NUP50: variants seen among roughly 807,000 people sequenced by gnomAD.
The protein encoded by NUP50 is nuclear pore complex protein Nup50.
In NUP50, 14 loss-of-function variants were observed where a neutral mutation model predicts 36.8. The observed-to-expected ratio is 0.38, with a 90% CI of 0.25 to 0.59. The LOEUF (loss-of-function observed/expected upper bound fraction) is 0.59, where lower values mean the gene tolerates loss of function less well. NUP50 is among the 20% of genes least tolerant of loss of function. The probability of loss-of-function intolerance (pLI) is 0.63; values close to 1 mark genes in which losing one functional copy is unlikely to be tolerated. For synonymous variants in NUP50, 195 were observed against 210.8 expected (o/e 0.93, Z 0.65); for missense variants, 455 against 564.6 (o/e 0.81, Z 1.97).
At position 45,184,473 on chromosome 22, in the gene NUP50, C is replaced by G; in HGVS notation, c.1225C>G (p.Leu409Val). The G allele has an allele frequency of 6.2e-7, 1 of 1,613,942 alleles. No homozygotes were observed. Among genetic ancestry groups the G allele is most frequent in the Non-Finnish European group, 8.5e-7 (1 of 1,179,838 alleles). ...TNLGNILLNV[L>V]IPPNMPCTRT... is the part of the protein sequence containing the mutation. ...TGCAGGCAACATATTGCTGAACGTT[C>G]TGATTCCACCCAATATGCCATGTAC... is the stretch of plus-strand genomic sequence containing the variant. Residue 409 changes from leucine to valine, a missense_variant, in exon 8 of 8, where the codon CTG becomes GTG. Transcript: ENST00000347635.
At chr22:45,167,128 C>G (rs1354991876) in intron 1 of NUP50, among the ~76,000 whole-genome samples, 1 of 152,130 alleles carries the variant, frequency 6.6e-6, no homozygotes, top group Admixed American at 6.5e-5. Context: ...AGGAAGCTTA[C>G]TCTGGTGTAT....
At chr22:45,165,163 C>T (rs2074075724) in intron 1 of NUP50, among the ~76,000 whole-genome samples, 1 of 152,222 alleles carries the variant, frequency 6.6e-6, no homozygotes, top group Admixed American at 6.5e-5. Context: ...CTTTCAGTCT[C>T]CCACCACGTT....
Position 45,183,858 on chromosome 22 carries a change from C to G in NUP50, c.1204+338C>G, listed in dbSNP as rs564128350. 184 of 249,674 alleles carry G rather than the reference C, an allele frequency of 7.4e-4. No individual in the cohort carries two copies. The South Asian group carries it at 7.6e-3, about 10-fold the overall frequency. 15.5% of individuals were successfully genotyped at this position (249,674 alleles called of 1,614,324 possible). A position where few individuals can be genotyped will look rare whatever the true frequency, so the allele number is the denominator to read the frequency against. ...CAAGTAATGACTAACTGCTTGCTGT[C>G]CATCCTCAGTTTTAACCTGAAAAGA... On this transcript the variant is annotated intron_variant, in intron 7 of 7. Coordinates refer to ENST00000347635, the MANE Select transcript of NUP50 (RefSeq NM_007172.4).
chr22:45,183,799 A>G (rs2074422302), intron 7 of NUP50: 2 of 335,136 alleles, frequency 6.0e-6, no homozygotes, highest in Admixed American at 8.7e-5. Context: ...CACCCAAGGG[A>G]AATTAACCTT....
intron 1 of NUP50, among the ~76,000 whole-genome samples, chr22:45,167,762 T>C (rs2074117437): frequency 6.6e-6 from 1 of 152,240 alleles, no homozygotes; most frequent in South Asian, 2.1e-4. Flanking sequence ...TTTTAAATAT[T>C]AAAATTATTT....
chr22:45,186,542 A>C lies in NUP50; in HGVS notation c.*1887A>C, dbSNP rs1313911200. The C allele has an allele frequency of 6.6e-6, 1 of 152,546 alleles. No homozygotes were observed. Among genetic ancestry groups the C allele is most frequent in the African/African-American group, 2.4e-5 (1 of 41,460 alleles). The allele number at this position is 152,546 out of a possible 1,614,324, so 9.4% of individuals were successfully genotyped here. A position where few individuals can be genotyped will look rare whatever the true frequency, so the allele number is the denominator to read the frequency against. On this transcript the variant is annotated 3_prime_UTR_variant, in exon 8 of 8. Coordinates refer to ENST00000347635, the MANE Select transcript of NUP50 (RefSeq NM_007172.4). ...TTCAGGACACTTCAGTGTATATGAC[A>C]CAGTACTTTGTTAGCGTCTGCGTGT...
At chr22:45,173,377 G>C (rs1354027781) in intron 3 of NUP50, among the ~76,000 whole-genome samples, 1 of 127,836 alleles carries the variant, frequency 7.8e-6, no homozygotes, top group African/African-American at 3.0e-5. Flanking sequence ...TTTATGAATT[G>C]CCTTGACTGG....
rs186574103 is a variant in NUP50 at position 45,166,884 on chromosome 22, T to G, written c.-10-1284T>G. Among the ~76,000 whole-genome samples the G allele has an allele frequency of 1.7e-3, 256 of 152,244 alleles. 2 individuals carry two copies. The highest frequency in any genetic ancestry group is 5.9e-3 in the African/African-American group (245 of 41,544). ...TATTTTAGAATCTTGGACTTTAATA[T>G]CATTTGTAATCAGAAAAATAGCATA... On this transcript the variant is annotated intron_variant, in intron 1 of 7. Coordinates refer to ENST00000347635, the MANE Select transcript of NUP50 (RefSeq NM_007172.4).
Position 45,182,623 on chromosome 22 carries a change from G to GTGT in NUP50, c.1086-778_1086-777insGTT, listed in dbSNP as rs1555894542. ...AAAAACTGAAAGAGCCTTGAGGTTTGTTTTTTTTTTTTTTTTTTTGAGACG... is the reference window on the plus strand; with the variant it reads ...AAAAACTGAAAGAGCCTTGAGGTTTGTGTTTTTTTTTTTTTTTTTTTTGAGACG... On this transcript the variant is annotated intron_variant, in intron 6 of 7. Coordinates refer to ENST00000347635, the MANE Select transcript of NUP50 (RefSeq NM_007172.4). Among the ~76,000 whole-genome samples the GTGT allele has an allele frequency of 3.1e-4, 30 of 95,942 alleles. 1 individual carries two copies. Among genetic ancestry groups the GTGT allele is most frequent in the Admixed American group, 1.4e-4 (1 of 7,218 alleles). 62.9% of individuals were successfully genotyped at this position (95,942 alleles called of 152,430 possible).
At chr22:45,174,779 T>C (rs1012174851) in intron 3 of NUP50, among the ~76,000 whole-genome samples, 89 of 152,238 alleles carry the variant, frequency 5.8e-4, no homozygotes, top group African/African-American at 2.0e-3. Flanking sequence ...CTGTTTATTA[T>C]GTGCATTAAA....
intron 2 of NUP50, chr22:45,171,048 C>A: frequency 7.7e-7 from 1 of 1,303,968 alleles, no homozygotes; most frequent in Non-Finnish European, 1.0e-6. Context: ...ACGTGGACAT[C>A]AGAAGTGTGG....
At chr22:45,174,183 CTTTTT>C (rs132886) in intron 3 of NUP50, among the ~76,000 whole-genome samples, 3 of 137,928 alleles carry the variant, frequency 2.2e-5, no homozygotes, top group Non-Finnish European at 3.1e-5. Context: ...GGTATTTTCC[CTTTTT>C]TTTTTTTTTT....
intron 3 of NUP50, among the ~76,000 whole-genome samples, chr22:45,173,461 G>A (rs1282948896): frequency 6.6e-6 from 1 of 151,988 alleles, no homozygotes; most frequent in Non-Finnish European, 1.5e-5. Context: ...TACATGGGGG[G>A]AGGGACAGTT....
rs1172029439 is a variant in NUP50, at chr22:45,178,689, A to G, written c.792A>G (p.Leu264=). The G allele has an allele frequency of 6.2e-7, 1 of 1,612,320 alleles. No individual in the cohort carries two copies. The highest frequency in any genetic ancestry group is 1.3e-5 in the African/African-American group (1 of 74,996). ...AAAAGAAAACGGACCCATCATCACTAGGAGCGACAAGTGCCTCATTTAATT... is the reference window on the plus strand; with the variant it reads ...AAAAGAAAACGGACCCATCATCACTGGGAGCGACAAGTGCCTCATTTAATT... ...ASEKKTDPSS[L]GATSASFNFG... is the part of the protein sequence containing the mutation. Residue 264 remains leucine, a synonymous_variant, in exon 5 of 8, where the codon CTA becomes CTG. Coordinates refer to ENST00000347635, the MANE Select transcript of NUP50 (RefSeq NM_007172.4).
At chr22:45,183,108 T>A (rs2074408260) in intron 6 of NUP50, among the ~76,000 whole-genome samples, 1 of 147,562 alleles carries the variant, frequency 6.8e-6, no homozygotes, top group Non-Finnish European at 1.5e-5. Context: ...GGGTTGGTGT[T>A]GAGCCCTGAT....
intron 3 of NUP50, among the ~76,000 whole-genome samples, chr22:45,172,502 AGG>A (rs1165060894): frequency 1.3e-5 from 2 of 152,168 alleles, no homozygotes; most frequent in Non-Finnish European, 2.9e-5. Flanking sequence ...GTCAGGTTAG[AGG>A]TGCCGTGCCA....
Position 45,179,088 on chromosome 22 carries a change from T to A in NUP50, c.1003+188T>A, listed in dbSNP as rs919067525. On this transcript the variant is annotated intron_variant, in intron 5 of 7. Transcript: ENST00000347635. ...TTCCTGCTTTATAAAAGAGTAAGAC[T>A]TTTGTAGGGTTGTTTATAAGGATTA... 1.7e-5 allele frequency: 9 copies of A among 530,748 alleles called. No individual in the cohort carries two copies. In the African/African-American group the frequency reaches 1.7e-4, roughly 10 times the overall value. The allele number at this position is 530,748 out of a possible 1,614,324, so 32.9% of individuals were successfully genotyped here. A position where few individuals can be genotyped will look rare whatever the true frequency, so the allele number is the denominator to read the frequency against.
Position 45,178,653 on chromosome 22 carries a change from G to A in NUP50, c.756G>A (p.Glu252=), listed in dbSNP as rs2074316326. 6.2e-7 allele frequency: 1 copy of A among 1,611,972 alleles called. No homozygotes were observed. The highest frequency in any genetic ancestry group is 1.1e-5 in the South Asian group (1 of 90,990). ...AAGATACACCTGACAAGAAGATGGAGGTGGCATCTGAAAAGAAAACGGACC... is the reference window on the plus strand; with the variant it reads ...AAGATACACCTGACAAGAAGATGGAAGTGGCATCTGAAAAGAAAACGGACC... ...KTEDTPDKKM[E]VASEKKTDPS... Residue 252 remains glutamate, a synonymous_variant, in exon 5 of 8, where the codon GAG becomes GAA. Coordinates refer to ENST00000347635, the MANE Select transcript of NUP50 (RefSeq NM_007172.4).
chr22:45,171,990 G>A (rs1016728002), intron 3 of NUP50: 3 of 293,740 alleles, frequency 1.0e-5, no homozygotes, highest in Non-Finnish European at 2.0e-5. Flanking sequence ...AAAGGAAAAC[G>A]CAAGGATCTT....
Sources: allele counts gnomAD v4.1 joint callset (sites outside exome capture counted in the v4.1 genomes callset), GRCh38; gene constraint gnomAD v4.1.1; transcripts MANE v1.5; gene names NCBI Gene and HGNC (gene_info 2026-07-23, HGNC 2026-07-21).